Variants in MICAL2 observed in about 807,000 individuals in gnomAD.
MICAL2 encodes the protein microtubule associated monooxygenase, calponin and LIM domain containing 2.
A neutral mutation model predicts 127.3 loss-of-function variants in MICAL2; 77 were observed. The observed-to-expected ratio is 0.60, with a 90% CI of 0.50 to 0.73. The LOEUF (loss-of-function observed/expected upper bound fraction) is 0.73, where lower values mean the gene tolerates loss of function less well. MICAL2 is among the 30% of genes least tolerant of loss of function. The pLI, the probability that MICAL2 is intolerant of heterozygous loss-of-function variation, is 0.00. For missense variants in MICAL2, 1,351 were observed against 1,434.4 expected (o/e 0.94, Z 0.94); for synonymous variants, 570 against 551.1 (o/e 1.03, Z -0.48).
At chr11:12,111,485 A>T (rs1176879962) in intron 1 of MICAL2, among the ~76,000 whole-genome samples, 1 of 152,196 alleles carries the variant, frequency 6.6e-6, no homozygotes, top group Non-Finnish European at 1.5e-5. Context: ...GGTGGGGTAA[A>T]TTGTATTCAC....
At chr11:12,345,686 C>T (rs949335677) in intron 32 of MICAL2, among the ~76,000 whole-genome samples, 2 of 152,156 alleles carry the variant, frequency 1.3e-5, no homozygotes, top group Admixed American at 6.6e-5. Flanking sequence ...AGGTATCAGA[C>T]TTAACTACCA....
Position 12,132,310 on chromosome 11 carries a change from A to C in MICAL2, c.-148-6080A>C, listed in dbSNP as rs546603277. On this transcript the variant is annotated intron_variant, in intron 1 of 27. Transcript: ENST00000683283. Reference sequence around the variant, plus strand: ...CCTTGAACATTCCACTCTCTTTCAGATTTCTATCTGGTCCAAGTTGCCCAT... The same window carrying C: ...CCTTGAACATTCCACTCTCTTTCAGCTTTCTATCTGGTCCAAGTTGCCCAT... 2.6e-5 allele frequency among the ~76,000 whole-genome samples: 4 copies of C among 152,238 alleles called. 1 individual carries two copies. In the South Asian group the frequency reaches 8.3e-4, roughly 31 times the overall value.
chr11:12,346,477 C>G (rs2134892253), intron 32 of MICAL2, among the ~76,000 whole-genome samples: 1 of 152,278 alleles, frequency 6.6e-6, no homozygotes, highest in Middle Eastern at 3.4e-3. Context: ...ACATTCTTAA[C>G]TTCTATGTTC....
chr11:12,294,641 G>A, downstream of MICAL2: 1 of 1,614,164 alleles, frequency 6.2e-7, no homozygotes, highest in Non-Finnish European at 8.5e-7. Flanking sequence ...CAGACTCAAA[G>A]ACAAATCTTT....
At chr11:12,245,201 G>A (rs1860562636) in intron 21 of MICAL2, among the ~76,000 whole-genome samples, 1 of 152,184 alleles carries the variant, frequency 6.6e-6, no homozygotes, top group African/African-American at 2.4e-5. Context: ...TGCTCATGGA[G>A]TAGGTTTGGA....
Position 12,222,719 on chromosome 11 carries a change from C to A in MICAL2, c.1425C>A (p.Asn475Lys), listed in dbSNP as rs1488194351. 2 of 1,614,104 alleles carry A rather than the reference C, an allele frequency of 1.2e-6. 1 individual carries two copies. Among genetic ancestry groups the A allele is most frequent in the South Asian group, 2.2e-5 (2 of 91,090 alleles). The change falls in exon 11 of 28, where the codon AAC becomes AAA. Residue 475 changes from asparagine to lysine, a missense_variant. By Grantham distance (94) the Asn-to-Lys change is moderately conservative. Transcript: ENST00000683283. ...LDPGTRYPNLNSHCVRPHQVK... is the reference protein window; with the variant it reads ...LDPGTRYPNLKSHCVRPHQVK... ...CAGGGACACGGTACCCAAACCTCAA[C>A]TCACACTGTGTCAGGCCCCATCAGG...
intron 32 of MICAL2, among the ~76,000 whole-genome samples, chr11:12,342,024 G>A (rs1487018940): frequency 6.6e-6 from 1 of 152,158 alleles, no homozygotes; most frequent in Non-Finnish European, 1.5e-5. Flanking sequence ...GTTGGGTTTT[G>A]ATCATTTCAC....
At chr11:12,245,425 C>T (rs1860598999) in intron 21 of MICAL2, among the ~76,000 whole-genome samples, 1 of 152,230 alleles carries the variant, frequency 6.6e-6, no homozygotes, top group South Asian at 2.1e-4. Flanking sequence ...GGGGGTCCCA[C>T]CCCTGTTGGC....
chr11:12,245,424 A>G (rs963361748), intron 21 of MICAL2, among the ~76,000 whole-genome samples: 2 of 152,182 alleles, frequency 1.3e-5, no homozygotes, highest in African/African-American at 4.8e-5. Flanking sequence ...TGGGGGTCCC[A>G]CCCCTGTTGG....
intron 2 of MICAL2, among the ~76,000 whole-genome samples, chr11:12,138,759 G>A (rs1486536988): frequency 1.3e-5 from 2 of 152,136 alleles, no homozygotes; most frequent in Admixed American, 6.5e-5. Context: ...AGCAATTCCC[G>A]GCAGGCACAG....
intron 3 of MICAL2, among the ~76,000 whole-genome samples, chr11:12,186,097 C>T (rs1481053814): frequency 6.6e-6 from 1 of 152,168 alleles, no homozygotes; most frequent in East Asian, 1.9e-4. Context: ...GGGAGGTCTT[C>T]CGTTACAGGA....
chr11:12,349,984 C>T (rs775712949), intron 33 of MICAL2: 1 of 1,533,824 alleles, frequency 6.5e-7, no homozygotes, highest in South Asian at 1.1e-5. Flanking sequence ...AGCAAAGGGG[C>T]AAAGGGGGGT....
chr11:12,250,081 T>C (rs1317739218), intron 22 of MICAL2: 1 of 152,158 alleles, frequency 6.6e-6, no homozygotes, highest in Non-Finnish European at 1.5e-5. Flanking sequence ...GCCTCTGGCA[T>C]GGGTGCGTGT....
chr11:12,358,637 G>A (rs1427503885), downstream of MICAL2: 7 of 612,826 alleles, frequency 1.1e-5, no homozygotes, highest in Non-Finnish European at 1.5e-5. Context: ...ACGCATGGCA[G>A]CTTCCCAAGG....
intron 26 of MICAL2, 43 bp from the exon 27 acceptor site, chr11:12,262,437 T>TCTATCTTTCTCTCTCTTTC (rs768888220): frequency 6.2e-7 from 1 of 1,612,054 alleles, no homozygotes; most frequent in African/African-American, 1.3e-5. Context: ...AGCTCTCTTT[T>TCTATCTTTCTCTCTCTTTC]CTATCTTTCT....
chr11:12,356,277 G>GA (rs199655653), intron 34 of MICAL2, among the ~76,000 whole-genome samples: 27 of 151,870 alleles, frequency 1.8e-4, no homozygotes, highest in Admixed American at 4.6e-4. Flanking sequence ...GATTAGCAAG[G>GA]AAAAAAAATA....
intron 13 of MICAL2, chr11:12,225,712 T>C (rs1857335339): frequency 6.1e-6 from 1 of 163,932 alleles, no homozygotes; most frequent in African/African-American, 2.4e-5. Context: ...GGTCTCGAAC[T>C]GAGCTCAAGT....
At chr11:12,151,963 T>C (rs1322450431) in intron 2 of MICAL2, among the ~76,000 whole-genome samples, 2 of 151,794 alleles carry the variant, frequency 1.3e-5, no homozygotes, top group African/African-American at 2.4e-5. Flanking sequence ...ATTTTGGAGT[T>C]TGATGAAAGA....
intron 32 of MICAL2, among the ~76,000 whole-genome samples, chr11:12,336,297 T>G (rs1395579651): frequency 6.6e-6 from 1 of 152,230 alleles, no homozygotes; most frequent in South Asian, 2.1e-4. Context: ...TTTTGCACAT[T>G]GATTTTGTAT....
Sources: gnomAD v4.1 joint callset for allele counts (sites outside exome capture counted in the v4.1 genomes callset) on GRCh38, gnomAD v4.1.1 for gene constraint, MANE v1.5 for transcripts, NCBI Gene and HGNC (gene_info 2026-07-23, HGNC 2026-07-21) for gene names.